The following SUGCT variants were observed in gnomAD, a reference collection of about 807,000 sequenced individuals.
SUGCT encodes the protein succinyl-CoA:glutarate-CoA transferase, also known as succinyl-CoA:glutarate CoA-transferase.
Under a neutral mutation model 55.0 loss-of-function variants are expected in SUGCT, and 41 were observed. That is an observed-to-expected ratio of 0.74 (90% CI 0.58 to 0.97). The LOEUF is 0.97. Ranked by LOEUF, SUGCT falls within the 50% of genes least tolerant of loss-of-function variation. The probability of loss-of-function intolerance (pLI) is 0.00; values close to 1 mark genes in which losing one functional copy is unlikely to be tolerated. For synonymous variants in SUGCT, 187 were observed against 200.4 expected (o/e 0.93, Z 0.56); for missense variants, 568 against 547.8 (o/e 1.04, Z -0.37).
chr7:40,251,251 C>G (rs2150932950), intron 7 of SUGCT, among the ~76,000 whole-genome samples: 1 of 152,308 alleles, frequency 6.6e-6, no homozygotes, highest in East Asian at 1.9e-4. Flanking sequence ...TTCCCAATTG[C>G]TGCTAATTAA....
chr7:40,255,573 A>C (rs1450215773), intron 7 of SUGCT, among the ~76,000 whole-genome samples: 1 of 141,638 alleles, frequency 7.1e-6, no homozygotes, highest in Non-Finnish European at 1.5e-5. Context: ...AGACGGTAGA[A>C]TTGCTTGAAC....
At chr7:40,222,102 A>G (rs1465960069) in intron 6 of SUGCT, among the ~76,000 whole-genome samples, 1 of 152,224 alleles carries the variant, frequency 6.6e-6, no homozygotes, top group Non-Finnish European at 1.5e-5. Context: ...AGCAGGCAGA[A>G]GGAAGCTGGT....
intron 12 of SUGCT, among the ~76,000 whole-genome samples, chr7:40,685,771 C>T (rs1012077650): frequency 1.3e-5 from 2 of 152,060 alleles, no homozygotes; most frequent in Admixed American, 6.5e-5. Flanking sequence ...GCACGCATGG[C>T]GCATGCCTGT....
chr7:40,676,120 A>T (rs905449007), intron 12 of SUGCT, among the ~76,000 whole-genome samples: 3 of 152,188 alleles, frequency 2.0e-5, no homozygotes, highest in Admixed American at 6.5e-5. Context: ...TAATGATATG[A>T]CCAAAAGCTC....
At chr7:40,142,101 A>G (rs913280409) in intron 1 of SUGCT, among the ~76,000 whole-genome samples, 1 of 152,094 alleles carries the variant, frequency 6.6e-6, no homozygotes, top group African/African-American at 2.4e-5. Context: ...GGTAATCGGA[A>G]TGACTTAGGG....
At chr7:40,570,303 G>GCCCATGCA (rs1234499882) in intron 12 of SUGCT, among the ~76,000 whole-genome samples, 2 of 152,172 alleles carry the variant, frequency 1.3e-5, no homozygotes, top group Admixed American at 6.5e-5. Flanking sequence ...TTTGCTGAGT[G>GCCCATGCA]CCCATGCACT....
chr7:40,848,974 G>A (rs1244901228), intron 13 of SUGCT, among the ~76,000 whole-genome samples: 2 of 152,130 alleles, frequency 1.3e-5, no homozygotes, highest in African/African-American at 4.8e-5. Flanking sequence ...ATGATGATGA[G>A]TTCAAGCACT....
the SUGCT span, among the ~76,000 whole-genome samples, chr7:40,980,523 A>C: frequency 3.0e-4 from 45 of 152,294 alleles, no homozygotes; most frequent in African/African-American, 1.0e-3. Flanking sequence ...TATACAGTTC[A>C]TCCCGAGGAA....
intron 9 of SUGCT, among the ~76,000 whole-genome samples, chr7:40,427,493 A>G (rs1787648430): frequency 6.6e-6 from 1 of 152,138 alleles, no homozygotes; most frequent in African/African-American, 2.4e-5. Flanking sequence ...ACTTTAAAAA[A>G]CTTTAATTGT....
chr7:40,754,183 T>G (rs1262257654), intron 13 of SUGCT, among the ~76,000 whole-genome samples: 1 of 152,192 alleles, frequency 6.6e-6, no homozygotes, highest in Non-Finnish European at 1.5e-5. Flanking sequence ...TAAAGCCTAT[T>G]ATACAGTTAA....
intron 9 of SUGCT, among the ~76,000 whole-genome samples, chr7:40,420,982 A>G (rs1281726142): frequency 1.3e-5 from 2 of 151,802 alleles, no homozygotes; most frequent in African/African-American, 4.8e-5. Flanking sequence ...CACTTTTCCA[A>G]CTGTGTTTCC....
At chr7:40,637,589 A>G (rs1471205894) in intron 12 of SUGCT, among the ~76,000 whole-genome samples, 1 of 152,196 alleles carries the variant, frequency 6.6e-6, no homozygotes, top group Non-Finnish European at 1.5e-5. Flanking sequence ...GGCTCTCTAG[A>G]CTGAGAAAAC....
At chr7:40,541,131 A>G (rs1562848587) in intron 12 of SUGCT, among the ~76,000 whole-genome samples, 2 of 152,224 alleles carry the variant, frequency 1.3e-5, no homozygotes, top group Non-Finnish European at 2.9e-5. Flanking sequence ...TCCAGGCTCT[A>G]TAAGCTAAAT....
At chr7:40,786,009 G>A (rs1789991419) in intron 13 of SUGCT, among the ~76,000 whole-genome samples, 1 of 152,162 alleles carries the variant, frequency 6.6e-6, no homozygotes, top group South Asian at 2.1e-4. Flanking sequence ...TGAGGCAAGA[G>A]GATTGCTTGA....
At chr7:40,560,025 G>A (rs568206612) in intron 12 of SUGCT, among the ~76,000 whole-genome samples, 3 of 152,274 alleles carry the variant, frequency 2.0e-5, no homozygotes, top group South Asian at 2.1e-4. Context: ...TGGATCAATG[G>A]TTCTTAGGCA....
chr7:40,457,618 C>T (rs746274219), intron 10 of SUGCT, among the ~76,000 whole-genome samples: 57 of 152,078 alleles, frequency 3.7e-4, no homozygotes, highest in Non-Finnish European at 6.0e-4. Context: ...AGTTGTCTCT[C>T]GAAACATTTT....
intron 8 of SUGCT, among the ~76,000 whole-genome samples, chr7:40,292,799 T>C (rs149782083): frequency 0.018 from 2,724 of 152,334 alleles, 56 homozygotes; most frequent in Middle Eastern, 0.034. Flanking sequence ...GAAAATCAGG[T>C]GCATCCATCT....
intron 9 of SUGCT, among the ~76,000 whole-genome samples, chr7:40,425,939 T>A (rs543126323): frequency 6.6e-6 from 1 of 152,260 alleles, no homozygotes; most frequent in Non-Finnish European, 1.5e-5. Flanking sequence ...TCCTCAACAG[T>A]AAATTTATAA....
the SUGCT span, among the ~76,000 whole-genome samples, chr7:40,923,679 CCAT>C: frequency 6.6e-6 from 1 of 152,300 alleles, no homozygotes; most frequent in Admixed American, 6.5e-5. Context: ...TTTCTCTAGT[CCAT>C]CAATATTGCC....
Sources: gnomAD v4.1 joint callset for allele counts (sites outside exome capture counted in the v4.1 genomes callset) on GRCh38, gnomAD v4.1.1 for gene constraint, MANE v1.5 for transcripts, NCBI Gene and HGNC (gene_info 2026-07-23, HGNC 2026-07-21) for gene names.